CDH13: variants seen among roughly 807,000 people sequenced by gnomAD.
CDH13 encodes cadherin 13.
In CDH13, 24 loss-of-function variants were observed where a neutral mutation model predicts 63.8. The observed-to-expected ratio is 0.38, with a 90% CI of 0.27 to 0.53. The LOEUF (loss-of-function observed/expected upper bound fraction) is 0.53. CDH13 is among the 20% of genes least tolerant of loss of function. The pLI, the probability that CDH13 is intolerant of heterozygous loss-of-function variation, is 0.85. For missense variants in CDH13, 1,049 were observed against 903.1 expected (o/e 1.16, Z -2.07); for synonymous variants, 503 against 355.3 (o/e 1.42, Z -4.67).
intron 2 of CDH13, among the ~76,000 whole-genome samples, chr16:82,984,709 T>C (rs576635692): frequency 3.2e-4 from 49 of 152,280 alleles, no homozygotes; most frequent in African/African-American, 9.9e-4. Flanking sequence ...CTTGCTAAGG[T>C]TTGCACAACT....
At chr16:83,677,753 G>A (rs548967919) in intron 9 of CDH13, among the ~76,000 whole-genome samples, 11 of 152,256 alleles carry the variant, frequency 7.2e-5, no homozygotes, top group Admixed American at 5.2e-4. Flanking sequence ...AGGATTGGGC[G>A]TTGGAGTCTC....
intron 6 of CDH13, among the ~76,000 whole-genome samples, chr16:83,415,810 T>G (rs1466863520): frequency 1.3e-5 from 2 of 152,114 alleles, no homozygotes; most frequent in African/African-American, 4.8e-5. Context: ...TCAACAGTGA[T>G]AAAACTAAAA....
chr16:83,362,534 C>G (rs144511194), intron 6 of CDH13, among the ~76,000 whole-genome samples: 27 of 152,330 alleles, frequency 1.8e-4, no homozygotes, highest in African/African-American at 6.5e-4. Flanking sequence ...AGGATGAACA[C>G]TTTCAAATTC....
intron 7 of CDH13, among the ~76,000 whole-genome samples, chr16:83,496,530 A>T (rs1453053744): frequency 6.6e-6 from 1 of 152,122 alleles, no homozygotes; most frequent in Admixed American, 6.5e-5. Flanking sequence ...TAAAGACTTA[A>T]ACGTTAGACC....
chr16:83,203,544 G>A (rs1016581122), intron 4 of CDH13, among the ~76,000 whole-genome samples: 4 of 150,032 alleles, frequency 2.7e-5, no homozygotes, highest in Admixed American at 6.6e-5. Context: ...AAAATTAGCC[G>A]GCTGTCGTGG....
chr16:83,689,605 G>T (rs1904643143), intron 10 of CDH13, among the ~76,000 whole-genome samples: 1 of 152,194 alleles, frequency 6.6e-6, no homozygotes, highest in African/African-American at 2.4e-5. Context: ...GTATTTTCAA[G>T]TGATGAGGCT....
intron 2 of CDH13, among the ~76,000 whole-genome samples, chr16:82,872,080 C>G (rs2040361333): frequency 6.6e-6 from 1 of 152,172 alleles, no homozygotes; most frequent in Non-Finnish European, 1.5e-5. Context: ...GCTGGGCTGG[C>G]AAAAGTCAGA....
intron 5 of CDH13, among the ~76,000 whole-genome samples, chr16:83,290,701 C>A (rs923980648): frequency 6.6e-6 from 1 of 152,128 alleles, no homozygotes; most frequent in African/African-American, 2.4e-5. Flanking sequence ...CTCTTCAGTG[C>A]GGAAGAAAAC....
intron 2 of CDH13, among the ~76,000 whole-genome samples, chr16:82,910,043 G>A (rs751861133): frequency 3.9e-5 from 6 of 152,076 alleles, no homozygotes; most frequent in Non-Finnish European, 5.9e-5. Flanking sequence ...AGTGGCATGC[G>A]ACCCTTCTCA....
rs541213222 is a variant in CDH13, at chr16:83,748,849, G to A, written c.1681+599G>A. Among the ~76,000 whole-genome samples, 10 of 152,302 alleles carry A rather than the reference G, an allele frequency of 6.6e-5. No homozygotes were observed. In the South Asian group the frequency reaches 2.1e-3, roughly 32 times the overall value. ...CATGGAGCTGACGTGCAGAAAGGAG[G>A]CAAAGTTCAAAGTGCCACGATTGTT... On this transcript the variant is annotated intron_variant, in intron 11 of 13. Coordinates refer to ENST00000567109, the MANE Select transcript of CDH13 (RefSeq NM_001257.5).
At chr16:83,422,275 T>C (rs143821921) in intron 6 of CDH13, among the ~76,000 whole-genome samples, 2,449 of 152,284 alleles carry the variant, frequency 0.016, 30 homozygotes, top group Non-Finnish European at 0.026. Flanking sequence ...AAAATCATAT[T>C]AATACTCATC....
chr16:83,327,198 C>T (rs1352443788), intron 5 of CDH13, among the ~76,000 whole-genome samples: 5 of 152,194 alleles, frequency 3.3e-5, no homozygotes, highest in African/African-American at 1.2e-4. Flanking sequence ...TAGTAATACA[C>T]GTGTGAGAAC....
intron 5 of CDH13, 44 bp from the exon 6 acceptor site, chr16:83,344,818 T>C (rs1247771326): frequency 6.3e-7 from 1 of 1,598,172 alleles, no homozygotes; most frequent in Middle Eastern, 1.7e-4. Context: ...ATTTTCATAA[T>C]GAATTAATAT....
chr16:83,512,447 G>T (rs181689166), intron 7 of CDH13, among the ~76,000 whole-genome samples: 241 of 151,094 alleles, frequency 1.6e-3, no homozygotes, highest in African/African-American at 5.8e-3. Context: ...GAGGTGGGTG[G>T]ATCACGAGGT....
In CDH13 at chr16:83,389,644, T is replaced by A. The variant is rs192889807; in HGVS notation, c.781+44638T>A. Among the ~76,000 whole-genome samples the A allele has an allele frequency of 2.0e-5, 3 of 152,368 alleles. No individual in the cohort carries two copies. The East Asian group carries it at 5.8e-4, about 29-fold the overall frequency. ...TTAGACTTATCTGGTCACTTCCTTA[T>A]GGTGTCACATAGCTTGTTGCTCTGT... On this transcript the variant is annotated intron_variant, in intron 6 of 13. Transcript: ENST00000567109.
chr16:83,324,934 G>A (rs1032388092), intron 5 of CDH13, among the ~76,000 whole-genome samples: 2 of 152,130 alleles, frequency 1.3e-5, no homozygotes, highest in African/African-American at 2.4e-5. Context: ...CACCTCTTCA[G>A]GCCCAGCCCA....
chr16:83,530,603 C>T (rs980581375), intron 7 of CDH13, among the ~76,000 whole-genome samples: 3 of 152,218 alleles, frequency 2.0e-5, no homozygotes, highest in African/African-American at 7.2e-5. Flanking sequence ...TCACATCAAC[C>T]ACGCACCAAC....
chr16:83,221,680 G>C (rs1257628952), intron 5 of CDH13, among the ~76,000 whole-genome samples: 1 of 151,732 alleles, frequency 6.6e-6, no homozygotes, highest in African/African-American at 2.4e-5. Context: ...GTTGGGATGG[G>C]CTCTGCAGGA....
At chr16:83,054,731 C>G (rs2030743677) in intron 3 of CDH13, among the ~76,000 whole-genome samples, 1 of 151,966 alleles carries the variant, frequency 6.6e-6, no homozygotes, top group Non-Finnish European at 1.5e-5. Flanking sequence ...AATAGAAAAA[C>G]CCATCATCAT....
Sources: allele counts gnomAD v4.1 joint callset (sites outside exome capture counted in the v4.1 genomes callset), GRCh38; gene constraint gnomAD v4.1.1; transcripts MANE v1.5; gene names NCBI Gene and HGNC (gene_info 2026-07-23, HGNC 2026-07-21).